The following TRDN variants were observed in gnomAD, a reference collection of about 807,000 sequenced individuals.
TRDN encodes triadin in skeletal muscle.
Under a neutral mutation model 149.7 loss-of-function variants are expected in TRDN, and 161 were observed. The observed-to-expected ratio is 1.08, with a 90% CI of 0.95 to 1.23. The LOEUF is 1.23. TRDN is among the 50% of genes most tolerant of loss of function. The probability of loss-of-function intolerance (pLI) is 0.00; values close to 1 mark genes in which losing one functional copy is unlikely to be tolerated. For synonymous variants in TRDN, 294 were observed against 250.5 expected (o/e 1.17, Z -1.64); for missense variants, 896 against 823.5 (o/e 1.09, Z -1.08).
chr6:123,436,714 C>T (rs1220636350), intron 12 of TRDN, among the ~76,000 whole-genome samples: 3 of 152,032 alleles, frequency 2.0e-5, no homozygotes, highest in African/African-American at 7.3e-5. Flanking sequence ...CTGAAGTTTT[C>T]AATCTTCTTC....
intron 24 of TRDN, among the ~76,000 whole-genome samples, chr6:123,298,377 A>G (rs893940405): frequency 6.6e-6 from 1 of 151,864 alleles, no homozygotes; most frequent in Non-Finnish European, 1.5e-5. Context: ...TCAACATACC[A>G]TGCCCATTTA....
chr6:123,496,186 T>G (rs1362056444), intron 9 of TRDN, among the ~76,000 whole-genome samples: 1 of 149,336 alleles, frequency 6.7e-6, no homozygotes, highest in Non-Finnish European at 1.5e-5. Context: ...TTACTGAAAA[T>G]GTAGAAGAAG....
chr6:123,369,988 C>T (rs1181392889), intron 19 of TRDN, among the ~76,000 whole-genome samples: 1 of 152,166 alleles, frequency 6.6e-6, no homozygotes, highest in African/African-American at 2.4e-5. Flanking sequence ...CATAGAGCTG[C>T]TACACTCAAT....
intron 19 of TRDN, among the ~76,000 whole-genome samples, chr6:123,372,075 T>C (rs1025001052): frequency 2.0e-5 from 3 of 152,136 alleles, no homozygotes; most frequent in Non-Finnish European, 4.4e-5. Flanking sequence ...GTGTGTGGTC[T>C]AGAGACAACT....
At chr6:123,301,784 TATAC>T (rs139375048) in intron 24 of TRDN, among the ~76,000 whole-genome samples, 37 of 97,018 alleles carry the variant, frequency 3.8e-4, no homozygotes, top group South Asian at 9.9e-4. Context: ...TATATATATA[TATAC>T]ATAAATGAAA....
At chr6:123,490,074 G>T (rs923789845) in intron 9 of TRDN, among the ~76,000 whole-genome samples, 1 of 151,912 alleles carries the variant, frequency 6.6e-6, no homozygotes, top group Admixed American at 6.6e-5. Context: ...TAATGATTAG[G>T]GTAAAATTGA....
At chr6:123,291,863 G>A (rs958207127) in intron 24 of TRDN, among the ~76,000 whole-genome samples, 4 of 152,038 alleles carry the variant, frequency 2.6e-5, no homozygotes, top group African/African-American at 9.7e-5. Flanking sequence ...CTCTCCTTCA[G>A]CTTTTTTGTC....
Position 123,333,913 on chromosome 6 carries a change from G to A in TRDN, c.1421-1984C>T, listed in dbSNP as rs990215083. On this transcript the variant is annotated intron_variant, in intron 22 of 40. Transcript: ENST00000334268. ...TATCAGGGCCTATAAAGTGTTTAAT[G>A]GTGCTGGGATATAAAGTGGAACTCT... Among the ~76,000 whole-genome samples the A allele has an allele frequency of 2.0e-5, 3 of 152,010 alleles. No homozygotes were observed. In the Admixed American group the frequency reaches 2.0e-4, roughly 10 times the overall value.
Position 123,324,704 on chromosome 6 carries a change from C to T in TRDN, c.1471+7175G>A, listed in dbSNP as rs1344151137. The stretch of plus-strand genomic sequence containing the variant: ...CCTACATACAGCTGTACACATGTTG[C>T]TGTATATTAACATTTTGGATGAAGA... On this transcript the variant is annotated intron_variant, in intron 23 of 40. Transcript: ENST00000334268. 2.0e-5 allele frequency among the ~76,000 whole-genome samples: 3 copies of T among 152,244 alleles called. No individual in the cohort carries two copies. In the East Asian group the frequency reaches 5.8e-4, roughly 29 times the overall value.
intron 12 of TRDN, among the ~76,000 whole-genome samples, chr6:123,398,149 C>A (rs140901229): frequency 3.5e-4 from 54 of 152,300 alleles, no homozygotes; most frequent in African/African-American, 1.2e-3. Flanking sequence ...GGATTACAGG[C>A]GTCCGCCACT....
intron 7 of TRDN, among the ~76,000 whole-genome samples, chr6:123,509,266 G>GT (rs1281868291): frequency 6.6e-6 from 1 of 151,582 alleles, no homozygotes; most frequent in Non-Finnish European, 1.5e-5. Context: ...ACTCAAGATG[G>GT]CTCCCAGTGA....
intron 10 of TRDN, among the ~76,000 whole-genome samples, chr6:123,445,864 G>A (rs2114629148): frequency 7.5e-6 from 1 of 134,160 alleles, no homozygotes; most frequent in East Asian, 2.0e-4. Context: ...AATACCATTT[G>A]ACCCAGCCAT....
At chr6:123,280,187 A>G (rs1777530977) in intron 24 of TRDN, among the ~76,000 whole-genome samples, 1 of 152,158 alleles carries the variant, frequency 6.6e-6, no homozygotes, top group African/African-American at 2.4e-5. Flanking sequence ...AGAGTAAGGT[A>G]GAGCAGAGAG....
In TRDN at chr6:123,465,046, TA is replaced by T. The variant is rs1776705660; in HGVS notation, c.854-64del. 4.0e-6 allele frequency: 6 copies of T among 1,511,036 alleles called. No individual in the cohort carries two copies. The Admixed American group carries it at 1.2e-4, about 31-fold the overall frequency. 93.6% of individuals were successfully genotyped at this position (1,511,036 alleles called of 1,614,324 possible). A position where few individuals can be genotyped will look rare whatever the true frequency, so the allele number is the denominator to read the frequency against. On this transcript the variant is annotated intron_variant, in intron 9 of 40. Coordinates refer to ENST00000334268, the MANE Select transcript of TRDN (RefSeq NM_006073.4). ...TATTAACAAATCTAATATCCACAAC[TA>T]AAAAGCTAGATCTGTCCCCTACATG...
At position 123,512,325 on chromosome 6, in the gene TRDN, TG is replaced by T; in HGVS notation, c.587del (p.Pro196GlnfsTer27). The T allele has an allele frequency of 6.6e-7, 1 of 1,504,324 alleles. No individual in the cohort carries two copies. Among genetic ancestry groups the T allele is most frequent in the Non-Finnish European group, 9.1e-7 (1 of 1,095,598 alleles). The allele number at this position is 1,504,324 out of a possible 1,614,324, so 93.2% of individuals were successfully genotyped here. On this transcript the variant is annotated frameshift_variant, in exon 7 of 41. Transcript: ENST00000334268. LOFTEE classifies it high-confidence loss of function. ...HKEKIEKKEK[P>X]ETKTLAKEQK... ...TACCTTTCGCCAGTGTCTTTGTTTC[TG>T]GTTTTTCTTTTTTCTCAATTTTTTC...
chr6:123,558,383 G>A (rs986099264), intron 2 of TRDN, among the ~76,000 whole-genome samples: 18 of 151,912 alleles, frequency 1.2e-4, no homozygotes, highest in Admixed American at 3.3e-4. Context: ...CCTCACACCC[G>A]GTCCGGCTTA....
At chr6:123,454,302 C>G (rs907072219) in intron 10 of TRDN, among the ~76,000 whole-genome samples, 14 of 152,114 alleles carry the variant, frequency 9.2e-5, no homozygotes, top group African/African-American at 3.4e-4. Context: ...TGATATCATA[C>G]TACCTTTTTC....
intron 1 of TRDN, among the ~76,000 whole-genome samples, chr6:123,610,526 C>G (rs75054104): frequency 1.3e-5 from 2 of 152,018 alleles, no homozygotes; most frequent in Non-Finnish European, 2.9e-5. Flanking sequence ...TTTTCATAGT[C>G]GCTGTCTTTA....
intron 2 of TRDN, among the ~76,000 whole-genome samples, chr6:123,570,111 T>A (rs1010895965): frequency 6.6e-6 from 1 of 152,162 alleles, no homozygotes; most frequent in African/African-American, 2.4e-5. Flanking sequence ...ATTTATAGTG[T>A]CTGGGTCCTA....
Sources: allele counts gnomAD v4.1 joint callset (sites outside exome capture counted in the v4.1 genomes callset), GRCh38; gene constraint gnomAD v4.1.1; transcripts MANE v1.5; gene names NCBI Gene and HGNC (gene_info 2026-07-23, HGNC 2026-07-21).